MRRF: variants seen among roughly 807,000 people sequenced by gnomAD.
MRRF encodes the protein mitochondrial ribosome recycling factor.
A neutral mutation model predicts 25.1 loss-of-function variants in MRRF; 18 were observed. That is an observed-to-expected ratio of 0.72 (90% CI 0.50 to 1.06). The LOEUF is 1.06. Among genes scored for constraint, MRRF ranks in the 50% least tolerant of loss-of-function variants. The probability of loss-of-function intolerance (pLI) is 0.00; values close to 1 mark genes in which losing one functional copy is unlikely to be tolerated. For missense variants in MRRF, 323 were observed against 319.3 expected (o/e 1.01, Z -0.09); for synonymous variants, 113 against 112.1 (o/e 1.01, Z -0.05).
chr9:122,297,992 C>G (rs1834202150), intron 5 of MRRF, among the ~76,000 whole-genome samples: 1 of 152,132 alleles, frequency 6.6e-6, no homozygotes, highest in African/African-American at 2.4e-5. Flanking sequence ...ATTCTAGGCT[C>G]TATACTCTAT....
chr9:122,280,574 A>G lies in MRRF; in HGVS notation c.316A>G (p.Thr106Ala). The change falls in exon 3 of 7, where the codon ACT becomes GCT. Residue 106 changes from threonine (T) to alanine (A), a missense_variant. Physicochemically the swap from Thr to Ala is moderately conservative, Grantham distance 58. Coordinates refer to ENST00000344641, the MANE Select transcript of MRRF (RefSeq NM_138777.5). ...IEALKDNFNK[T>A]LNIRTSPGSL... ...AGCTCTCAAGGATAATTTCAATAAG[A>G]CTCTCAATATAAGGACCTCACCAGG... 1 of 1,613,862 alleles carries G rather than the reference A, an allele frequency of 6.2e-7. No individual in the cohort carries two copies. Among genetic ancestry groups the G allele is most frequent in the Non-Finnish European group, 8.5e-7 (1 of 1,179,882 alleles).
chr9:122,300,002 G>A (rs1046727597), intron 5 of MRRF, among the ~76,000 whole-genome samples: 2 of 152,106 alleles, frequency 1.3e-5, no homozygotes, highest in Non-Finnish European at 2.9e-5. Flanking sequence ...CAGATGTCTG[G>A]GAAAGACAAA....
At chr9:122,285,825 T>C (rs1227613788) in intron 4 of MRRF, 1 of 1,282,714 alleles carries the variant, frequency 7.8e-7, no homozygotes, top group Non-Finnish European at 1.0e-6. Flanking sequence ...AAATGTGGCC[T>C]GAGGGCCACC....
chr9:122,314,490 C>G (rs575144403), intron 6 of MRRF, among the ~76,000 whole-genome samples: 1 of 152,320 alleles, frequency 6.6e-6, no homozygotes, highest in African/African-American at 2.4e-5. Flanking sequence ...ATTTGCTGAA[C>G]AGCATCTCTC....
At chr9:122,273,519 C>CT (rs565702471) in intron 2 of MRRF, among the ~76,000 whole-genome samples, 89 of 142,928 alleles carry the variant, frequency 6.2e-4, no homozygotes, top group South Asian at 1.1e-3. Flanking sequence ...GGAATCCTAT[C>CT]TTTTTTTTTT....
intron 4 of MRRF, among the ~76,000 whole-genome samples, chr9:122,287,422 A>G (rs894350479): frequency 1.2e-4 from 18 of 152,156 alleles, no homozygotes; most frequent in South Asian, 2.1e-4. Flanking sequence ...GGAACTGTCA[A>G]CTGTTTCTCT....
Position 122,326,223 on chromosome 9 carries a change from T to G in MRRF, c.*3606T>G, listed in dbSNP as rs1042163678. 1 of 149,508 alleles carries G rather than the reference T, an allele frequency of 6.7e-6. No individual in the cohort carries two copies. Among genetic ancestry groups the G allele is most frequent in the Admixed American group, 6.6e-5 (1 of 15,058 alleles). The allele number at this position is 149,508 out of a possible 1,614,324, so 9.3% of individuals were successfully genotyped here. A position where few individuals can be genotyped will look rare whatever the true frequency, so the allele number is the denominator to read the frequency against. On this transcript the variant is annotated 3_prime_UTR_variant, in exon 7 of 7. Transcript: ENST00000344641. The stretch of plus-strand genomic sequence containing the variant: ...CCCTGGTTCAAGCAGTTTTCCCTGC[T>G]TCAGCCTCCTGAGTAGCTGGGATTA...
At chr9:122,320,010 G>C (rs1214578809) in intron 6 of MRRF, among the ~76,000 whole-genome samples, 3 of 151,782 alleles carry the variant, frequency 2.0e-5, no homozygotes, top group Non-Finnish European at 4.4e-5. Flanking sequence ...GAGTAGCCGG[G>C]ACTACAGGCG....
intron 4 of MRRF, among the ~76,000 whole-genome samples, chr9:122,288,088 C>T (rs1833521612): frequency 6.6e-6 from 1 of 152,118 alleles, no homozygotes; most frequent in African/African-American, 2.4e-5. Context: ...AGACAGAAAA[C>T]TGTGTTGCAT....
intron 3 of MRRF, among the ~76,000 whole-genome samples, chr9:122,282,735 G>C (rs995907155): frequency 6.6e-6 from 1 of 152,144 alleles, no homozygotes; most frequent in African/African-American, 2.4e-5. Context: ...GTAAATATAG[G>C]CAATTATTAT....
intron 3 of MRRF, among the ~76,000 whole-genome samples, chr9:122,284,790 A>G (rs1421639334): frequency 6.6e-6 from 1 of 152,074 alleles, no homozygotes; most frequent in African/African-American, 2.4e-5. Flanking sequence ...AATCTGAATT[A>G]TTATTATTAT....
chr9:122,297,477 A>G (rs1185271636), intron 5 of MRRF, among the ~76,000 whole-genome samples: 1 of 152,176 alleles, frequency 6.6e-6, no homozygotes, highest in Non-Finnish European at 1.5e-5. Flanking sequence ...TACCTAAAAA[A>G]AAAAACTTAA....
At chr9:122,278,364 A>G (rs1035494043) in intron 2 of MRRF, among the ~76,000 whole-genome samples, 2 of 152,216 alleles carry the variant, frequency 1.3e-5, no homozygotes, top group East Asian at 1.9e-4. Flanking sequence ...GCTTCTTTCT[A>G]GTAAGTACTA....
intron 1 of MRRF, among the ~76,000 whole-genome samples, chr9:122,267,380 CAAA>C (rs892711250): frequency 5.6e-5 from 4 of 71,374 alleles, no homozygotes; most frequent in Admixed American, 1.7e-4. Context: ...GACTCTGTCT[CAAA>C]AAAAAAAAAA....
intron 6 of MRRF, among the ~76,000 whole-genome samples, chr9:122,321,093 GAC>G (rs1835865766): frequency 1.3e-5 from 2 of 152,206 alleles, no homozygotes; most frequent in Non-Finnish European, 2.9e-5. Flanking sequence ...GGCTGGATGT[GAC>G]AGAGATGGAC....
chr9:122,305,964 C>T (rs920459452), intron 5 of MRRF, among the ~76,000 whole-genome samples: 4 of 152,138 alleles, frequency 2.6e-5, no homozygotes, highest in Non-Finnish European at 5.9e-5. Context: ...CTAATATACT[C>T]GTAACAACTT....
intron 5 of MRRF, among the ~76,000 whole-genome samples, chr9:122,308,631 G>A (rs916180689): frequency 4.8e-5 from 7 of 147,308 alleles, no homozygotes; most frequent in East Asian, 4.1e-4. Context: ...CCCAGGAGGC[G>A]GAGGTGGCAG....
chr9:122,320,831 T>C (rs1386663417), intron 6 of MRRF, among the ~76,000 whole-genome samples: 5 of 152,226 alleles, frequency 3.3e-5, no homozygotes, highest in Non-Finnish European at 7.3e-5. Context: ...CAACAGCCGC[T>C]ATGCTGCTGA....
chr9:122,308,491 G>GAGTT (rs1303107110), intron 5 of MRRF, among the ~76,000 whole-genome samples: 181 of 150,980 alleles, frequency 1.2e-3, no homozygotes, highest in African/African-American at 4.2e-3. Flanking sequence ...TTAAGATCAG[G>GAGTT]AGTTCGTGAC....
Sources: gnomAD v4.1 joint callset for allele counts (sites outside exome capture counted in the v4.1 genomes callset) on GRCh38, gnomAD v4.1.1 for gene constraint, MANE v1.5 for transcripts, NCBI Gene and HGNC (gene_info 2026-07-23, HGNC 2026-07-21) for gene names.